The following LIMS2 variants were observed in gnomAD, a reference collection of about 807,000 sequenced individuals.
LIMS2 encodes LIM zinc finger domain containing 2.
In LIMS2, 30 loss-of-function variants were observed where a neutral mutation model predicts 45.3. The ratio of observed to expected loss-of-function variants is 0.66; its 90% CI spans 0.50 to 0.90. The LOEUF is 0.90. Among genes scored for constraint, LIMS2 ranks in the 40% least tolerant of loss-of-function variants. The pLI, the probability that LIMS2 is intolerant of heterozygous loss-of-function variation, is 0.00. For missense variants in LIMS2, 485 were observed against 468.7 expected, an observed-to-expected ratio of 1.03 and a Z score of -0.32; for synonymous variants, 173 against 188.0, an observed-to-expected ratio of 0.92 and a Z score of 0.65.
In LIMS2 at chr2:127,641,905, G is replaced by A. The variant is rs539934079; in HGVS notation, c.660+144C>T. On this transcript the variant is annotated intron_variant, in intron 6 of 9. Coordinates refer to ENST00000355119, the MANE Select transcript of LIMS2 (RefSeq NM_001161403.3). ...GGGGTCCCTGGCTGAGCACAGGGAGGGGCAGTACCCCTGAGGAAGGGCCTC... is the reference window on the plus strand; with the variant it reads ...GGGGTCCCTGGCTGAGCACAGGGAGAGGCAGTACCCCTGAGGAAGGGCCTC... 656 of 956,852 alleles carry A rather than the reference G, an allele frequency of 6.9e-4. 1 individual carries two copies. The highest frequency in any genetic ancestry group is 8.9e-4 in the Non-Finnish European group (593 of 663,346). The allele number at this position is 956,852 out of a possible 1,614,324, so 59.3% of individuals were successfully genotyped here. A position where few individuals can be genotyped will look rare whatever the true frequency, so the allele number is the denominator to read the frequency against.
intron 1 of LIMS2, among the ~76,000 whole-genome samples, chr2:127,665,608 C>T (rs1370174901): frequency 6.6e-6 from 1 of 152,198 alleles, no homozygotes; most frequent in Admixed American, 6.5e-5. Context: ...AGAAGCTGAG[C>T]CCAGAGGAGC....
upstream of LIMS2, among the ~76,000 whole-genome samples, chr2:127,679,396 T>C (rs909719866): frequency 1.3e-5 from 2 of 152,118 alleles, no homozygotes; most frequent in African/African-American, 4.8e-5. The surrounding 1 kb of genome is among the most constrained non-coding windows in gnomAD (Gnocchi z 5.3). Flanking sequence ...ATGGCATCAC[T>C]GAGGGACATT....
intron 6 of LIMS2, 74 bp from the exon 7 acceptor site, chr2:127,641,062 G>A: frequency 1.7e-6 from 2 of 1,206,788 alleles, no homozygotes; most frequent in Admixed American, 1.7e-5. Context: ...GTGACCCGGG[G>A]ACAACAGTGA....
Position 127,654,494 on chromosome 2 carries a change from G to C in LIMS2, c.289C>G (p.Pro97Ala), listed in dbSNP as rs368536679. The C allele has an allele frequency of 1.2e-6, 2 of 1,614,146 alleles. No individual in the cohort carries two copies. The highest frequency in any genetic ancestry group is 1.7e-4 in the Middle Eastern group (1 of 6,060). ...CACAGCTCGCAGCGGAAGCAGCCCG[G>C]GTGCCAGTTGTTGTTCATGGCCTTG... ...VIKAMNNNWHPGCFRCELCDV... is the reference protein window; with the variant it reads ...VIKAMNNNWHAGCFRCELCDV... Residue 97 changes from proline to alanine, a missense_variant, in exon 4 of 10, where the codon CCG becomes GCG. Transcript: ENST00000355119.
intron 4 of LIMS2, chr2:127,651,113 C>T (rs761668459): frequency 4.8e-5 from 78 of 1,613,420 alleles, no homozygotes; most frequent in Non-Finnish European, 6.1e-5. Flanking sequence ...CCTGCATCAG[C>T]GCCGACCGTT....
chr2:127,655,043 GGCCTGGCCAGA>G, intron 2 of LIMS2, 147 bp from the exon 3 acceptor site: 1 of 764,318 alleles, frequency 1.3e-6, no homozygotes, highest in Admixed American at 2.0e-5. Flanking sequence ...GTGGGTCCCA[GGCCTGGCCAGA>G]GAGGACACTG....
At chr2:127,674,891 C>G (rs890569245) in intron 1 of LIMS2, 123 bp downstream of exon 1, 4 of 1,216,208 alleles carry the variant, frequency 3.3e-6, no homozygotes, top group South Asian at 4.1e-5. Context: ...CTGCGAGAAT[C>G]CGACGCGCCA....
Position 127,671,070 on chromosome 2 carries a change from A to C in LIMS2, c.11+3944T>G, listed in dbSNP as rs140101485. ...GTACACGCTACACCTCAACAGAACA[A>C]GCAAGACAGTGACAGTGCCTCCCTT... On this transcript the variant is annotated intron_variant, in intron 1 of 9. Transcript: ENST00000355119. The surrounding 1 kb of genome is among the most constrained non-coding windows in gnomAD (Gnocchi z 4.1). Among the ~76,000 whole-genome samples the C allele has an allele frequency of 3.3e-5, 5 of 152,308 alleles. No homozygotes were observed. The East Asian group carries it at 9.6e-4, about 29-fold the overall frequency.
intron 2 of LIMS2, chr2:127,655,099 C>G (rs1684167110): frequency 1.6e-6 from 1 of 638,496 alleles, no homozygotes; most frequent in South Asian, 1.8e-5. Context: ...AAGGGAGGTG[C>G]CCCCGTGGAA....
chr2:127,640,176 T>C (rs747658607), intron 8 of LIMS2, 31 bp from the exon 9 acceptor site: 29 of 1,612,484 alleles, frequency 1.8e-5, no homozygotes, highest in South Asian at 4.4e-5. Context: ...TCAGCAGGCC[T>C]GGCTAGGCTG....
At chr2:127,668,977 A>G (rs1302151138) in intron 1 of LIMS2, among the ~76,000 whole-genome samples, 1 of 152,148 alleles carries the variant, frequency 6.6e-6, no homozygotes, top group African/African-American at 2.4e-5. Flanking sequence ...CTGTGGTTCC[A>G]GCTACTCAGG....
At position 127,671,485 on chromosome 2, in the gene LIMS2, A is replaced by G. The variant is rs545737789; in HGVS notation, c.11+3529T>C. 2.0e-5 allele frequency among the ~76,000 whole-genome samples: 3 copies of G among 151,820 alleles called. No individual in the cohort carries two copies. The East Asian group carries it at 5.8e-4, about 29-fold the overall frequency. ...GCACAGCACAGATAGGGACAGACAGAAGAAGGATAACCCGCTGTGGATAGA... is the reference window on the plus strand; with the variant it reads ...GCACAGCACAGATAGGGACAGACAGGAGAAGGATAACCCGCTGTGGATAGA... On this transcript the variant is annotated intron_variant, in intron 1 of 9. Coordinates refer to ENST00000355119, the MANE Select transcript of LIMS2 (RefSeq NM_001161403.3). This position sits in a 1 kb window ranked among gnomAD's most constrained non-coding sequence, Gnocchi z 4.1.
At chr2:127,648,966 G>GGAGGA (rs1683310091) in intron 4 of LIMS2, among the ~76,000 whole-genome samples, 1 of 19,188 alleles carries the variant, frequency 5.2e-5, no homozygotes, top group Non-Finnish European at 1.1e-4. Context: ...GGAGGGGAGG[G>GGAGGA]GGGGAGGGGA....
intron 1 of LIMS2, among the ~76,000 whole-genome samples, chr2:127,661,571 A>C (rs1329141233): frequency 6.6e-6 from 1 of 152,178 alleles, no homozygotes; most frequent in Non-Finnish European, 1.5e-5. Flanking sequence ...AGGAGACACC[A>C]CTACCCACCC....
chr2:127,680,372 G>A (rs550601473), upstream of LIMS2, among the ~76,000 whole-genome samples: 3 of 152,390 alleles, frequency 2.0e-5, no homozygotes, highest in South Asian at 6.2e-4. Context: ...AGGATCGCTT[G>A]AGCCCAGGAT....
At chr2:127,657,811 C>T (rs2105305078) in intron 1 of LIMS2, among the ~76,000 whole-genome samples, 1 of 152,296 alleles carries the variant, frequency 6.6e-6, no homozygotes, top group African/African-American at 2.4e-5. Context: ...CAGAGAGTCT[C>T]GCACACAGAA....
Position 127,657,548 on chromosome 2 carries a change from G to C in LIMS2, c.26C>G (p.Ala9Gly). The C allele has an allele frequency of 6.2e-7, 1 of 1,603,434 alleles. No individual in the cohort carries two copies. Among genetic ancestry groups the C allele is most frequent in the Non-Finnish European group, 8.5e-7 (1 of 1,174,638 alleles). MTGSNMSD[A>G]LANAVCQRCQ... The stretch of plus-strand genomic sequence containing the variant: ...GCGCTGGCACACGGCGTTGGCCAAG[G>C]CGTCCGACATATTGCTGGGGGCAGG... The change falls in exon 2 of 10, where the codon GCC (alanine) becomes GGC (glycine). Residue 9 changes from alanine to glycine, a missense_variant. Physicochemically the swap from Ala to Gly is moderately conservative, Grantham distance 60. Transcript: ENST00000355119.
intron 1 of LIMS2, among the ~76,000 whole-genome samples, chr2:127,658,938 G>A (rs1684439913): frequency 6.6e-6 from 1 of 152,230 alleles, no homozygotes; most frequent in Non-Finnish European, 1.5e-5. Context: ...ACATCATGAG[G>A]GAAATGCTTG....
chr2:127,681,139 G>T (rs995769288), intron 1 of LIMS2, among the ~76,000 whole-genome samples: 2 of 152,144 alleles, frequency 1.3e-5, no homozygotes, highest in Admixed American at 6.5e-5. Context: ...GGCCACAGTG[G>T]GCTGAACCTT....
Sources: gnomAD v4.1 joint callset for allele counts (sites outside exome capture counted in the v4.1 genomes callset) on GRCh38, gnomAD v4.1.1 for gene constraint, Gnocchi (gnomAD v3.1) non-coding constraint, MANE v1.5 for transcripts, NCBI Gene and HGNC (gene_info 2026-07-23, HGNC 2026-07-21) for gene names.